Variants in SI observed in about 807,000 individuals in gnomAD.
SI encodes the protein sucrase-isomaltase.
In SI, 235 loss-of-function variants were observed where a neutral mutation model predicts 253.3. The observed-to-expected ratio is 0.93, with a 90% CI of 0.83 to 1.03. The LOEUF is 1.03. Among genes scored for constraint, SI ranks in the 50% least tolerant of loss-of-function variants. The probability of loss-of-function intolerance (pLI) is 0.00; values close to 1 mark genes in which losing one functional copy is unlikely to be tolerated. For missense variants in SI, 2,442 were observed against 2,211.1 expected, an observed-to-expected ratio of 1.10 and a Z score of -2.09; for synonymous variants, 819 against 712.0, an observed-to-expected ratio of 1.15 and a Z score of -2.39.
At chr3:165,052,257 A>G (rs2108237250) in intron 13 of SI, among the ~76,000 whole-genome samples, 1 of 152,312 alleles carries the variant, frequency 6.6e-6, no homozygotes, top group African/African-American at 2.4e-5. Flanking sequence ...TTAATGTCAT[A>G]TACCACTGCA....
At chr3:165,029,602 ATATATATG>A (rs928273021) in intron 25 of SI, among the ~76,000 whole-genome samples, 32 of 145,382 alleles carry the variant, frequency 2.2e-4, no homozygotes, top group African/African-American at 7.2e-4. Context: ...ATATATATAC[ATATATATG>A]TATATATATG....
intron 13 of SI, among the ~76,000 whole-genome samples, chr3:165,050,582 A>G (rs1713375623): frequency 6.6e-6 from 1 of 152,252 alleles, no homozygotes; most frequent in East Asian, 1.9e-4. Flanking sequence ...GCACTAAAAA[A>G]GATAAATTTT....
At chr3:165,064,821 T>A (rs1180783379) in intron 7 of SI, among the ~76,000 whole-genome samples, 1 of 151,994 alleles carries the variant, frequency 6.6e-6, no homozygotes, top group Non-Finnish European at 1.5e-5. Context: ...AGATTTGAAG[T>A]TACGGAAAAT....
At chr3:165,032,750 A>G (rs1306804761) in intron 23 of SI, 58 bp from the exon 24 acceptor site, 1 of 1,177,404 alleles carries the variant, frequency 8.5e-7, no homozygotes. Context: ...ACCTGAAATA[A>G]CAATACCGAT....
At chr3:165,038,149 T>A (rs1576901723) in intron 20 of SI, 125 bp from the exon 21 acceptor site, 1 of 839,442 alleles carries the variant, frequency 1.2e-6, no homozygotes, top group East Asian at 2.7e-5. Flanking sequence ...GAATATATTG[T>A]TTTCTAACTT....
At chr3:165,037,838 A>G in intron 21 of SI, 62 bp downstream of exon 21, 1 of 1,177,316 alleles carries the variant, frequency 8.5e-7, no homozygotes, top group Non-Finnish European at 1.2e-6. Context: ...TTCTTAATGC[A>G]AATATGAAAT....
intron 20 of SI, 97 bp from the exon 21 acceptor site, chr3:165,038,121 T>A (rs1712628197): frequency 8.7e-7 from 1 of 1,145,848 alleles, no homozygotes; most frequent in Non-Finnish European, 1.3e-6. Context: ...GAGCAATTCA[T>A]GTCATCCAAA....
At chr3:165,075,014 A>G (rs1382541429) in intron 2 of SI, among the ~76,000 whole-genome samples, 1 of 152,060 alleles carries the variant, frequency 6.6e-6, no homozygotes, top group South Asian at 2.1e-4. Context: ...ATGGAGCAAT[A>G]TGAGTTATGA....
intron 45 of SI, among the ~76,000 whole-genome samples, chr3:164,984,535 C>G (rs958544411): frequency 1.3e-5 from 2 of 151,876 alleles, no homozygotes; most frequent in Non-Finnish European, 2.9e-5. Context: ...ACAGCTATTA[C>G]GAAGATATGG....
intron 34 of SI, among the ~76,000 whole-genome samples, chr3:165,012,199 A>C (rs910408784): frequency 2.6e-5 from 4 of 152,188 alleles, no homozygotes; most frequent in Non-Finnish European, 4.4e-5. Context: ...AGTTAAACTC[A>C]TAAAAGCATA....
At chr3:165,072,567 T>A (rs907585238) in intron 3 of SI, among the ~76,000 whole-genome samples, 7 of 152,092 alleles carry the variant, frequency 4.6e-5, no homozygotes, top group African/African-American at 1.7e-4. Flanking sequence ...ATGATTTATT[T>A]TTTAAATCCA....
At chr3:165,008,601 A>G (rs1718626735) in intron 35 of SI, among the ~76,000 whole-genome samples, 1 of 152,082 alleles carries the variant, frequency 6.6e-6, no homozygotes, top group Non-Finnish European at 1.5e-5. Flanking sequence ...TCTAATAAAC[A>G]TAGATGTTCC....
intron 31 of SI, among the ~76,000 whole-genome samples, chr3:165,016,961 A>G (rs564690322): frequency 6.6e-6 from 1 of 152,064 alleles, no homozygotes; most frequent in South Asian, 2.1e-4. Flanking sequence ...ATAAACTCTT[A>G]TATATCAAGC....
chr3:165,077,134 G>T (rs1260986390), intron 1 of SI, among the ~76,000 whole-genome samples: 3 of 151,172 alleles, frequency 2.0e-5, no homozygotes, highest in African/African-American at 7.3e-5. Flanking sequence ...TATCTTCAAA[G>T]TATTTTTAGA....
At chr3:165,064,691 C>T (rs1423639250) in intron 7 of SI, among the ~76,000 whole-genome samples, 1 of 151,890 alleles carries the variant, frequency 6.6e-6, no homozygotes, top group Admixed American at 6.6e-5. Context: ...AAAGACTAAG[C>T]CCTTATGGGA....
At chr3:164,985,387 T>C (rs901628728) in intron 45 of SI, among the ~76,000 whole-genome samples, 1 of 152,190 alleles carries the variant, frequency 6.6e-6, no homozygotes, top group Non-Finnish European at 1.5e-5. Context: ...ATTGCGGTGA[T>C]GAAGGTCAGA....
Position 165,030,705 on chromosome 3 carries a change from T to G in SI, c.2892+7A>C, listed in dbSNP as rs371938164. The G allele has an allele frequency of 6.2e-7, 1 of 1,606,958 alleles. No homozygotes were observed. Among genetic ancestry groups the G allele is most frequent in the South Asian group, 1.1e-5 (1 of 90,780 alleles). The stretch of plus-strand genomic sequence containing the variant: ...ATATCATGAGTAATAGTTAAAATTA[T>G]TATTACCGTTCTCCATACACAGCCA... On this transcript the variant is annotated splice_region_variant and intron_variant, in intron 25 of 47. Transcript: ENST00000264382.
At chr3:165,058,630 G>A in intron 12 of SI, among the ~76,000 whole-genome samples, 1 of 151,784 alleles carries the variant, frequency 6.6e-6, no homozygotes, top group Non-Finnish European at 1.5e-5. Context: ...AATTTTTAGA[G>A]GCTACTATGA....
At chr3:165,033,908 G>GA (rs1712388387) in intron 22 of SI, among the ~76,000 whole-genome samples, 1 of 151,240 alleles carries the variant, frequency 6.6e-6, no homozygotes, top group South Asian at 2.1e-4. Context: ...GTTGAAGATT[G>GA]AAATAAACTT....
Sources: gnomAD v4.1 joint callset for allele counts (sites outside exome capture counted in the v4.1 genomes callset) on GRCh38, gnomAD v4.1.1 for gene constraint, MANE v1.5 for transcripts, NCBI Gene and HGNC (gene_info 2026-07-23, HGNC 2026-07-21) for gene names.